ZNF431: variants seen among roughly 807,000 people sequenced by gnomAD.
ZNF431 encodes the protein zinc finger protein 431.
In ZNF431, 34 loss-of-function variants were observed where a neutral mutation model predicts 57.0. The ratio of observed to expected loss-of-function variants is 0.60; its 90% confidence interval spans 0.45 to 0.79. ZNF431 has a LOEUF of 0.79. Ranked by LOEUF, ZNF431 falls within the 30% of genes least tolerant of loss-of-function variation. ZNF431 has a pLI of 0.00. For missense variants in ZNF431, 607 were observed against 667.1 expected (o/e 0.91, Z 0.99); for synonymous variants, 207 against 220.3 (o/e 0.94, Z 0.54).
intron 2 of ZNF431, among the ~76,000 whole-genome samples, chr19:21,144,068 G>A (rs538875787): frequency 3.9e-5 from 6 of 152,120 alleles, no homozygotes; most frequent in African/African-American, 9.6e-5. Flanking sequence ...CTTGAAACAT[G>A]AGTCAGACAC....
At position 21,186,060 on chromosome 19, in the gene ZNF431, G is replaced by A. The variant is rs912799112; in HGVS notation, c.*2026G>A. Reference sequence around the variant, plus strand: ...ACTTTGACAGGCTGAGCGAGGGAGTGGATCTTGAGGTCAGCAGTTCGAGAC... The same window carrying A: ...ACTTTGACAGGCTGAGCGAGGGAGTAGATCTTGAGGTCAGCAGTTCGAGAC... On this transcript the variant is annotated 3_prime_UTR_variant, in exon 5 of 5. Transcript: ENST00000311048. 3 of 151,966 alleles carry A rather than the reference G, an allele frequency of 2.0e-5. No individual in the cohort carries two copies. The highest frequency in any genetic ancestry group is 4.4e-5 in the Non-Finnish European group (3 of 67,992). The allele number at this position is 151,966 out of a possible 1,614,324, so 9.4% of individuals were successfully genotyped here.
At chr19:21,146,804 C>T (rs1408683770) in intron 2 of ZNF431, among the ~76,000 whole-genome samples, 6 of 152,160 alleles carry the variant, frequency 3.9e-5, no homozygotes, top group Non-Finnish European at 8.8e-5. Flanking sequence ...AGGAATGCAG[C>T]CCAGTCAGTC....
chr19:21,157,612 A>G (rs545449249), intron 2 of ZNF431, among the ~76,000 whole-genome samples: 6 of 151,326 alleles, frequency 4.0e-5, no homozygotes, highest in Non-Finnish European at 7.4e-5. Context: ...GCTCACTGCA[A>G]CCTCTGCCTC....
chr19:21,162,213 G>A (rs1250892122), intron 2 of ZNF431, among the ~76,000 whole-genome samples: 1 of 150,092 alleles, frequency 6.7e-6, no homozygotes, highest in Non-Finnish European at 1.5e-5. Flanking sequence ...TAGCTCTGTA[G>A]CTCAGGCTGG....
At chr19:21,163,771 CTG>C (rs1305460480) in intron 2 of ZNF431, among the ~76,000 whole-genome samples, 1 of 152,132 alleles carries the variant, frequency 6.6e-6, no homozygotes, top group African/African-American at 2.4e-5. Flanking sequence ...CCGCCCCACT[CTG>C]TGTCCCAAAG....
chr19:21,182,775 A>C lies in ZNF431; in HGVS notation c.472A>C (p.Lys158Gln), dbSNP rs1027220307. The C allele has an allele frequency of 6.2e-7, 1 of 1,614,034 alleles. No individual in the cohort carries two copies. Among genetic ancestry groups the C allele is most frequent in the South Asian group, 1.1e-5 (1 of 91,080 alleles). The change falls in exon 5 of 5, where the codon AAA becomes CAA. Residue 158 changes from lysine (K) to glutamine (Q), a missense_variant. Lys to Gln is a moderately conservative substitution (Grantham distance 53). Transcript: ENST00000311048. ...SASVDEYKVHKEGYNELNQCL... is the reference protein window; with the variant it reads ...SASVDEYKVHQEGYNELNQCL... Reference sequence around the variant, plus strand: ...AAGTGTAGATGAGTATAAGGTGCACAAAGAAGGTTATAATGAGCTAAACCA... The same window carrying C: ...AAGTGTAGATGAGTATAAGGTGCACCAAGAAGGTTATAATGAGCTAAACCA...
chr19:21,154,841 T>G (rs1012215715), intron 2 of ZNF431, among the ~76,000 whole-genome samples: 9 of 152,138 alleles, frequency 5.9e-5, no homozygotes, highest in African/African-American at 2.2e-4. Context: ...TCTGTTCATA[T>G]CCTTTGCCCA....
intron 2 of ZNF431, among the ~76,000 whole-genome samples, chr19:21,159,197 C>T (rs577012062): frequency 3.0e-4 from 45 of 152,174 alleles, no homozygotes; most frequent in African/African-American, 1.0e-3. Context: ...ACTTGATGTT[C>T]TCCTGGATTT....
At chr19:21,150,473 T>G (rs1970239885) in intron 2 of ZNF431, 1 of 210,664 alleles carries the variant, frequency 4.7e-6, no homozygotes, top group African/African-American at 2.4e-5. Context: ...TTTGTCAGTT[T>G]CTTAACTGGA....
chr19:21,169,393 G>A lies in ZNF431; in HGVS notation c.319+1727G>A, dbSNP rs116913470. On this transcript the variant is annotated intron_variant, in intron 4 of 4. Coordinates refer to ENST00000311048, the MANE Select transcript of ZNF431 (RefSeq NM_133473.4). Reference sequence around the variant, plus strand: ...TAAAATAGAAGCATTGACAATGGGCGCAATATAGTTTTATATTGGTATCTG... The same window carrying A: ...TAAAATAGAAGCATTGACAATGGGCACAATATAGTTTTATATTGGTATCTG... Among the ~76,000 whole-genome samples, 1,339 of 152,220 alleles carry A rather than the reference G, an allele frequency of 8.8e-3. 8 individuals are homozygous for A. Among genetic ancestry groups the A allele is most frequent in the Non-Finnish European group, 0.014 (952 of 68,014 alleles).
rs1347648930 is a variant in ZNF431, at chr19:21,185,028, A to G, written c.*994A>G. 6.6e-6 allele frequency: 1 copy of G among 152,164 alleles called. No individual in the cohort carries two copies. The highest frequency in any genetic ancestry group is 1.9e-4 in the East Asian group (1 of 5,198). 9.4% of individuals were successfully genotyped at this position (152,164 alleles called of 1,614,324 possible). The stretch of plus-strand genomic sequence containing the variant: ...CAAATATAATAAATTTGGAAAAACA[A>G]TTTTTCAAAAACTACAGCTTAGAAA... On this transcript the variant is annotated 3_prime_UTR_variant, in exon 5 of 5. Coordinates refer to ENST00000311048, the MANE Select transcript of ZNF431 (RefSeq NM_133473.4).
chr19:21,143,382 C>T (rs912731792), intron 1 of ZNF431, among the ~76,000 whole-genome samples, 169 bp from the exon 2 acceptor site: 1 of 152,074 alleles, frequency 6.6e-6, no homozygotes, highest in African/African-American at 2.4e-5. Flanking sequence ...GTTTTTCGGT[C>T]AAGGTTTTCC....
At chr19:21,151,337 A>G (rs926176083) in intron 2 of ZNF431, 2 of 152,224 alleles carry the variant, frequency 1.3e-5, no homozygotes, top group Admixed American at 6.5e-5. Flanking sequence ...TACAGGTGTG[A>G]GCCAATGACC....
chr19:21,158,997 G>A (rs910761742), intron 2 of ZNF431, among the ~76,000 whole-genome samples: 1 of 152,190 alleles, frequency 6.6e-6, no homozygotes, highest in African/African-American at 2.4e-5. Context: ...TACCTTCAAT[G>A]CCTAGTTTGT....
chr19:21,179,313 C>G (rs1022997793), intron 4 of ZNF431, among the ~76,000 whole-genome samples: 1 of 152,004 alleles, frequency 6.6e-6, no homozygotes, highest in Admixed American at 6.6e-5. Flanking sequence ...AAAACCAGCT[C>G]CTGGATTCAT....
intron 2 of ZNF431, among the ~76,000 whole-genome samples, chr19:21,146,370 A>G (rs1445042731): frequency 1.4e-5 from 2 of 147,826 alleles, no homozygotes. Flanking sequence ...AGACCGTGCC[A>G]CTGCACTCCA....
At chr19:21,163,260 T>G (rs1160102117) in intron 2 of ZNF431, among the ~76,000 whole-genome samples, 1 of 152,204 alleles carries the variant, frequency 6.6e-6, no homozygotes, top group African/African-American at 2.4e-5. Context: ...GTTTCCTCTG[T>G]AAACTTTAAA....
chr19:21,159,906 ATGTATCTTTG>A (rs1970525823), intron 2 of ZNF431, among the ~76,000 whole-genome samples: 2 of 149,808 alleles, frequency 1.3e-5, no homozygotes, highest in African/African-American at 4.9e-5. Flanking sequence ...TCTTTGGAGG[ATGTATCTTTG>A]CTCCAAGGTT....
At chr19:21,174,802 C>T (rs559577868) in intron 4 of ZNF431, among the ~76,000 whole-genome samples, 44 of 152,140 alleles carry the variant, frequency 2.9e-4, no homozygotes, top group Non-Finnish European at 4.6e-4. Context: ...GATGGCATCT[C>T]GCTCTGTCAC....
Sources: gnomAD v4.1 joint callset for allele counts (sites outside exome capture counted in the v4.1 genomes callset) on GRCh38, gnomAD v4.1.1 for gene constraint, MANE v1.5 for transcripts, NCBI Gene and HGNC (gene_info 2026-07-23, HGNC 2026-07-21) for gene names.